The following PLCXD3 variants were observed in gnomAD, a reference collection of about 807,000 sequenced individuals.
PLCXD3 encodes phosphatidylinositol specific phospholipase C X domain containing 3, also known as PI-PLC X domain-containing protein 3.
In PLCXD3, 19 loss-of-function variants were observed where a neutral mutation model predicts 25.5. The ratio of observed to expected loss-of-function variants is 0.75; its 90% CI spans 0.52 to 1.09. The LOEUF is 1.09. PLCXD3 is among the 50% of genes least tolerant of loss of function. PLCXD3 has a pLI of 0.00. For missense variants in PLCXD3, 411 were observed against 388.1 expected (o/e 1.06, Z -0.50); for synonymous variants, 174 against 137.6 (o/e 1.26, Z -1.85).
intron 1 of PLCXD3, among the ~76,000 whole-genome samples, chr5:41,392,911 G>T (rs1430868701): frequency 1.3e-5 from 2 of 152,102 alleles, no homozygotes; most frequent in African/African-American, 4.8e-5. Flanking sequence ...GCTGAAAAAT[G>T]CAACTGGTAT....
intron 1 of PLCXD3, among the ~76,000 whole-genome samples, chr5:41,497,333 A>G (rs2111570598): frequency 6.6e-6 from 1 of 152,044 alleles, no homozygotes; most frequent in Admixed American, 6.5e-5. Flanking sequence ...AAGTGAATAG[A>G]AAAATATATT....
At position 41,409,836 on chromosome 5, in the gene PLCXD3, A is replaced by T. The variant is rs559024033; in HGVS notation, c.104-27302T>A. ...AGGACTGATATCACTACTTATAAAG[A>T]TTATAAAATAAGTGATAAGCAGTAA... On this transcript the variant is annotated intron_variant, in intron 1 of 2. Transcript: ENST00000377801. Among the ~76,000 whole-genome samples, 5 of 152,350 alleles carry T rather than the reference A, an allele frequency of 3.3e-5. No homozygotes were observed. In the South Asian group the frequency reaches 1.0e-3, roughly 32 times the overall value.
intron 2 of PLCXD3, among the ~76,000 whole-genome samples, chr5:41,357,279 C>G (rs1038443897): frequency 6.6e-6 from 1 of 152,080 alleles, no homozygotes; most frequent in African/African-American, 2.4e-5. Flanking sequence ...TGGTATAAAG[C>G]AATATAGCTG....
chr5:41,445,318 T>C (rs1747469055), intron 1 of PLCXD3, among the ~76,000 whole-genome samples: 1 of 152,234 alleles, frequency 6.6e-6, no homozygotes, highest in Admixed American at 6.5e-5. Flanking sequence ...GAAGGGCACA[T>C]AAGTCAGATC....
At chr5:41,331,374 C>T (rs995770288) in intron 2 of PLCXD3, among the ~76,000 whole-genome samples, 4 of 152,124 alleles carry the variant, frequency 2.6e-5, no homozygotes, top group Non-Finnish European at 5.9e-5. Context: ...ACCTAGGAAT[C>T]CAACTTACAA....
At chr5:41,454,340 G>C (rs1325580072) in intron 1 of PLCXD3, among the ~76,000 whole-genome samples, 2 of 151,902 alleles carry the variant, frequency 1.3e-5, no homozygotes, top group Non-Finnish European at 2.9e-5. Context: ...AGTTCTTGAG[G>C]CTGGGTTGCC....
chr5:41,319,427 G>A (rs1743395956), intron 2 of PLCXD3, among the ~76,000 whole-genome samples: 1 of 152,000 alleles, frequency 6.6e-6, no homozygotes, highest in Non-Finnish European at 1.5e-5. Context: ...GACCACAATG[G>A]GATATAACTA....
chr5:41,477,080 G>T (rs909628098), intron 1 of PLCXD3, among the ~76,000 whole-genome samples: 2 of 152,118 alleles, frequency 1.3e-5, no homozygotes, highest in South Asian at 4.1e-4. Flanking sequence ...CTGTGATCCT[G>T]AAAAAATTCC....
chr5:41,331,478 G>T (rs1328857124), intron 2 of PLCXD3, among the ~76,000 whole-genome samples: 2 of 152,196 alleles, frequency 1.3e-5, no homozygotes, highest in Non-Finnish European at 2.9e-5. Context: ...CCATGCTTAT[G>T]GGTAAGGAGA....
In PLCXD3 at chr5:41,510,416, G is replaced by T; in HGVS notation, c.103+8C>A. Reference sequence around the variant, plus strand: ...CGAGCGCCTAGCCCGCAGCCCCTGCGCGCCTACCTGGAATGGCTAAATTGG... The same window carrying T: ...CGAGCGCCTAGCCCGCAGCCCCTGCTCGCCTACCTGGAATGGCTAAATTGG... On this transcript the variant is annotated splice_region_variant and intron_variant, in intron 1 of 2. Coordinates refer to ENST00000377801, the MANE Select transcript of PLCXD3 (RefSeq NM_001005473.3). 2 of 1,604,158 alleles carry T rather than the reference G, an allele frequency of 1.2e-6. No individual in the cohort carries two copies. The highest frequency in any genetic ancestry group is 1.7e-6 in the Non-Finnish European group (2 of 1,175,238).
At chr5:41,477,208 T>C (rs1748301115) in intron 1 of PLCXD3, among the ~76,000 whole-genome samples, 1 of 152,172 alleles carries the variant, frequency 6.6e-6, no homozygotes, top group South Asian at 2.1e-4. Context: ...GAATAATATG[T>C]TACCCTAACA....
At chr5:41,346,414 T>C (rs1744303922) in intron 2 of PLCXD3, among the ~76,000 whole-genome samples, 1 of 152,208 alleles carries the variant, frequency 6.6e-6, no homozygotes, top group Non-Finnish European at 1.5e-5. Flanking sequence ...GACAAATGCA[T>C]GATGTCCTCT....
At chr5:41,503,123 A>G (rs575498295) in intron 1 of PLCXD3, among the ~76,000 whole-genome samples, 26 of 152,142 alleles carry the variant, frequency 1.7e-4, no homozygotes, top group Non-Finnish European at 3.4e-4. Flanking sequence ...TGAGACATGC[A>G]TTGAAGATAA....
intron 1 of PLCXD3, among the ~76,000 whole-genome samples, chr5:41,449,875 G>A (rs1431565369): frequency 1.3e-5 from 2 of 152,106 alleles, no homozygotes; most frequent in Non-Finnish European, 2.9e-5. Flanking sequence ...TACACTAATA[G>A]TGTCTGCTAT....
intron 1 of PLCXD3, among the ~76,000 whole-genome samples, chr5:41,494,217 T>G (rs1355702195): frequency 6.6e-6 from 1 of 152,166 alleles, no homozygotes; most frequent in Non-Finnish European, 1.5e-5. Flanking sequence ...TGCCTCAGCC[T>G]CCTAAGTAGC....
At chr5:41,496,668 A>T (rs1748847317) in intron 1 of PLCXD3, among the ~76,000 whole-genome samples, 1 of 151,146 alleles carries the variant, frequency 6.6e-6, no homozygotes, top group Admixed American at 6.6e-5. Flanking sequence ...TCACCATTAG[A>T]CCTACCTTAC....
At chr5:41,400,221 G>A (rs1746136971) in intron 1 of PLCXD3, among the ~76,000 whole-genome samples, 1 of 151,996 alleles carries the variant, frequency 6.6e-6, no homozygotes, top group African/African-American at 2.4e-5. Flanking sequence ...AAAAGGAAAC[G>A]CTTACACACT....
At chr5:41,351,174 A>T (rs1339522296) in intron 2 of PLCXD3, among the ~76,000 whole-genome samples, 1 of 152,142 alleles carries the variant, frequency 6.6e-6, no homozygotes, top group African/African-American at 2.4e-5. Flanking sequence ...GATTTCTTAG[A>T]TATTTAAGAA....
chr5:41,465,755 T>C (rs1318546798), intron 1 of PLCXD3, among the ~76,000 whole-genome samples: 1 of 152,058 alleles, frequency 6.6e-6, no homozygotes. Context: ...ATTATGAACA[T>C]CTATTCTTAG....
Sources: allele counts gnomAD v4.1 joint callset (sites outside exome capture counted in the v4.1 genomes callset), GRCh38; gene constraint gnomAD v4.1.1; transcripts MANE v1.5; gene names NCBI Gene and HGNC (gene_info 2026-07-23, HGNC 2026-07-21).